Variants in NEGR1 observed in about 807,000 individuals in gnomAD.
The protein encoded by NEGR1 is neuronal growth regulator 1.
A neutral mutation model predicts 40.9 loss-of-function variants in NEGR1; 10 were observed. The ratio of observed to expected loss-of-function variants is 0.24; its 90% CI spans 0.15 to 0.42. The LOEUF is 0.42. Ranked by LOEUF, NEGR1 falls within the 10% of genes least tolerant of loss-of-function variation. NEGR1 has a pLI of 1.00. For synonymous variants in NEGR1, 185 were observed against 166.8 expected (o/e 1.11, Z -0.84); for missense variants, 352 against 438.9 (o/e 0.80, Z 1.77).
intron 3 of NEGR1, among the ~76,000 whole-genome samples, chr1:71,746,425 T>C (rs1655384104): frequency 6.6e-6 from 1 of 152,222 alleles, no homozygotes; most frequent in African/African-American, 2.4e-5. Flanking sequence ...AAATACTCTT[T>C]AGTCTAAGAT....
At chr1:71,448,871 G>A (rs1024707916) in intron 6 of NEGR1, among the ~76,000 whole-genome samples, 1 of 152,148 alleles carries the variant, frequency 6.6e-6, no homozygotes, top group Non-Finnish European at 1.5e-5. Context: ...ACAACTGCAC[G>A]ATAAAGGGGC....
chr1:71,622,416 T>C (rs1345865487), intron 4 of NEGR1, among the ~76,000 whole-genome samples: 2 of 151,978 alleles, frequency 1.3e-5, no homozygotes, highest in Non-Finnish European at 2.9e-5. Flanking sequence ...AATGCATTTT[T>C]TCTAATATTG....
chr1:71,680,334 G>T (rs1243711778), intron 4 of NEGR1, among the ~76,000 whole-genome samples: 1 of 151,852 alleles, frequency 6.6e-6, no homozygotes, highest in Non-Finnish European at 1.5e-5. Flanking sequence ...TTCTTTTTGA[G>T]ACTGTTAAAG....
chr1:71,928,041 CACACACACGTATATATAT>C (rs1368041468), intron 2 of NEGR1, among the ~76,000 whole-genome samples: 2 of 118,370 alleles, frequency 1.7e-5, no homozygotes, highest in African/African-American at 3.2e-5. Flanking sequence ...CACACACACA[CACACACACGTATATATAT>C]ACACACACAC....
chr1:71,938,377 TAC>T (rs773240362), intron 1 of NEGR1, among the ~76,000 whole-genome samples: 3 of 146,786 alleles, frequency 2.0e-5, no homozygotes, highest in East Asian at 2.1e-4. Flanking sequence ...CATACACACA[TAC>T]ACACACACAC....
chr1:71,472,276 TCTGA>T (rs1286472544), intron 6 of NEGR1, among the ~76,000 whole-genome samples: 1 of 152,130 alleles, frequency 6.6e-6, no homozygotes, highest in Non-Finnish European at 1.5e-5. Flanking sequence ...TACAAAATTG[TCTGA>T]CTGGCTATCA....
rs1004216025 is a variant in NEGR1, at chr1:71,573,261, C to T, written c.940+19556G>A. ...AAAGGAATGAATTTGAAGATTGATA[C>T]GAAGTATGTACCACTCAGAGAAAAG... On this transcript the variant is annotated intron_variant, in intron 6 of 6. Transcript: ENST00000357731. 9.9e-5 allele frequency among the ~76,000 whole-genome samples: 15 copies of T among 152,094 alleles called. No individual in the cohort carries two copies. The East Asian group carries it at 1.9e-3, about 20-fold the overall frequency.
chr1:72,099,115 G>T (rs1648830671), intron 1 of NEGR1, among the ~76,000 whole-genome samples: 1 of 151,528 alleles, frequency 6.6e-6, no homozygotes, highest in South Asian at 2.1e-4. Flanking sequence ...AATTATTAGA[G>T]AGTATCTCTA....
At chr1:71,746,349 C>T (rs144951804) in intron 3 of NEGR1, among the ~76,000 whole-genome samples, 55 of 152,210 alleles carry the variant, frequency 3.6e-4, no homozygotes, top group Non-Finnish European at 6.5e-4. Context: ...TTCAAGATTA[C>T]CTAGAGGAAA....
At chr1:72,006,767 G>C (rs573815231) in intron 1 of NEGR1, among the ~76,000 whole-genome samples, 12 of 152,214 alleles carry the variant, frequency 7.9e-5, no homozygotes, top group Non-Finnish European at 1.5e-4. Context: ...GAAAAACTGG[G>C]GGGGGCGGGA....
intron 6 of NEGR1, among the ~76,000 whole-genome samples, chr1:71,429,762 T>C (rs1325564999): frequency 6.6e-6 from 1 of 152,250 alleles, no homozygotes; most frequent in East Asian, 1.9e-4. Flanking sequence ...CTCAAAATAG[T>C]ATTCAGATGG....
intron 1 of NEGR1, among the ~76,000 whole-genome samples, chr1:72,126,091 A>ATGTGTGTGTG (rs67552146): frequency 6.1e-4 from 90 of 146,820 alleles, no homozygotes; most frequent in African/African-American, 1.2e-3. Context: ...AGAGAAAAGT[A>ATGTGTGTGTG]TGTGTGTGTG....
At chr1:72,204,181 G>T (rs1409436147) in intron 1 of NEGR1, among the ~76,000 whole-genome samples, 1 of 151,928 alleles carries the variant, frequency 6.6e-6, no homozygotes, top group Non-Finnish European at 1.5e-5. Context: ...ACAACTTTGT[G>T]ATAGCCTGAA....
intron 4 of NEGR1, among the ~76,000 whole-genome samples, chr1:71,675,628 T>C (rs1398247942): frequency 6.6e-6 from 1 of 151,958 alleles, no homozygotes; most frequent in East Asian, 1.9e-4. Flanking sequence ...ATTATGAGTT[T>C]GAACTTGGAT....
chr1:71,827,445 CG>C (rs1165923457), intron 2 of NEGR1, among the ~76,000 whole-genome samples: 1 of 151,692 alleles, frequency 6.6e-6, no homozygotes, highest in Non-Finnish European at 1.5e-5. Context: ...AGCTGACTCT[CG>C]GTAGATAATC....
intron 3 of NEGR1, among the ~76,000 whole-genome samples, chr1:71,700,160 T>A (rs980453601): frequency 6.6e-6 from 1 of 152,030 alleles, no homozygotes; most frequent in Non-Finnish European, 1.5e-5. Context: ...TTTACCTTTT[T>A]AAATTTTTAT....
intron 1 of NEGR1, among the ~76,000 whole-genome samples, chr1:72,218,665 T>C (rs1437706187): frequency 6.6e-6 from 1 of 150,726 alleles, no homozygotes; most frequent in Non-Finnish European, 1.5e-5. Flanking sequence ...GCCAGACTCA[T>C]CACAACACAG....
chr1:71,631,300 G>C (rs935744662), intron 4 of NEGR1, among the ~76,000 whole-genome samples: 5 of 151,828 alleles, frequency 3.3e-5, no homozygotes, highest in Admixed American at 6.6e-5. Flanking sequence ...ACATTCAATA[G>C]AGAGCCTGAT....
At chr1:72,028,842 C>A (rs1646833514) in intron 1 of NEGR1, among the ~76,000 whole-genome samples, 1 of 152,140 alleles carries the variant, frequency 6.6e-6, no homozygotes, top group South Asian at 2.1e-4. Flanking sequence ...ATGTTTATTT[C>A]CCTTATTAGA....
Sources: allele counts gnomAD v4.1 joint callset (sites outside exome capture counted in the v4.1 genomes callset), GRCh38; gene constraint gnomAD v4.1.1; transcripts MANE v1.5; gene names NCBI Gene and HGNC (gene_info 2026-07-23, HGNC 2026-07-21).